AIG1: variants seen among roughly 807,000 people sequenced by gnomAD.
The protein encoded by AIG1 is androgen-induced gene 1 protein.
In AIG1, 23 loss-of-function variants were observed where a neutral mutation model predicts 31.4. The observed-to-expected ratio is 0.73, with a 90% CI of 0.53 to 1.04. The LOEUF is 1.04. AIG1 is among the 50% of genes least tolerant of loss of function. The probability of loss-of-function intolerance (pLI) is 0.00; values close to 1 mark genes in which losing one functional copy is unlikely to be tolerated. For missense variants in AIG1, 274 were observed against 295.0 expected (o/e 0.93, Z 0.52); for synonymous variants, 100 against 110.5 (o/e 0.90, Z 0.60).
At chr6:143,212,651 A>C (rs1433818065) in intron 3 of AIG1, among the ~76,000 whole-genome samples, 2 of 152,154 alleles carry the variant, frequency 1.3e-5, no homozygotes, top group African/African-American at 2.4e-5. Flanking sequence ...ATAAAATGAA[A>C]ACTCGGTGCC....
chr6:143,102,969 A>G (rs960120790), intron 1 of AIG1, among the ~76,000 whole-genome samples: 2 of 152,218 alleles, frequency 1.3e-5, no homozygotes, highest in Non-Finnish European at 2.9e-5. Context: ...TAGTGTACAT[A>G]TATATCTTAG....
At chr6:143,128,333 A>G (rs956253820) in intron 1 of AIG1, among the ~76,000 whole-genome samples, 2 of 152,198 alleles carry the variant, frequency 1.3e-5, no homozygotes, top group Admixed American at 1.3e-4. Flanking sequence ...AAAAAGATGG[A>G]GAAGGAATTA....
At chr6:143,173,730 T>C (rs1001713706) in intron 3 of AIG1, among the ~76,000 whole-genome samples, 4 of 152,230 alleles carry the variant, frequency 2.6e-5, no homozygotes, top group African/African-American at 9.6e-5. Context: ...CCAATTTTAT[T>C]CCACTGTGGC....
chr6:143,093,295 A>G, intron 1 of AIG1, among the ~76,000 whole-genome samples: 1 of 152,244 alleles, frequency 6.6e-6, no homozygotes, highest in Non-Finnish European at 1.5e-5. Context: ...AGTTTATGTT[A>G]TGAAGACAGC....
chr6:143,109,789 G>A (rs1311110747), intron 1 of AIG1, among the ~76,000 whole-genome samples: 3 of 152,048 alleles, frequency 2.0e-5, no homozygotes, highest in Non-Finnish European at 4.4e-5. Context: ...TTCATTTTCA[G>A]TTATATACAT....
rs1354621458 is a variant in AIG1 at position 143,268,132 on chromosome 6, G to C, written c.400-15978G>C. On this transcript the variant is annotated intron_variant, in intron 3 of 5. Transcript: ENST00000357847. This position sits in a 1 kb window ranked among gnomAD's most constrained non-coding sequence, Gnocchi z 5.0. The stretch of plus-strand genomic sequence containing the variant: ...GGAGGATTATGACTTGATATATAAA[G>C]TTTGGGAAATAAAGCCATTTAAAAT... 1.3e-5 allele frequency among the ~76,000 whole-genome samples: 2 copies of C among 152,092 alleles called. No individual in the cohort carries two copies. The highest frequency in any genetic ancestry group is 2.9e-5 in the Non-Finnish European group (2 of 68,028).
chr6:143,191,623 G>A (rs114958588), intron 3 of AIG1, among the ~76,000 whole-genome samples: 154 of 152,104 alleles, frequency 1.0e-3, no homozygotes, highest in African/African-American at 3.5e-3. Context: ...TTGAAATATA[G>A]AGGATTTTCA....
chr6:143,177,691 G>T (rs753679318), intron 3 of AIG1, among the ~76,000 whole-genome samples: 1 of 152,194 alleles, frequency 6.6e-6, no homozygotes, highest in Non-Finnish European at 1.5e-5. Flanking sequence ...GCAGTAGGGA[G>T]CATGGGTGTA....
intron 3 of AIG1, chr6:143,189,703 G>A (rs1265328440): frequency 2.0e-6 from 2 of 985,164 alleles, no homozygotes; most frequent in African/African-American, 1.7e-5. Context: ...GTTTTTAACT[G>A]AAGAACACAA....
At position 143,129,148 on chromosome 6, in the gene AIG1, G is replaced by A. The variant is rs1002360190; in HGVS notation, c.142-7687G>A. Among the ~76,000 whole-genome samples the A allele has an allele frequency of 5.3e-5, 8 of 152,104 alleles. No individual in the cohort carries two copies. In the South Asian group the frequency reaches 6.2e-4, roughly 12 times the overall value. ...CTACTAAAAATACAAAAAATTAGGC[G>A]GGTGTGGGGGCAGGCACCTGTAGTC... On this transcript the variant is annotated intron_variant, in intron 1 of 5. Coordinates refer to ENST00000357847, the MANE Select transcript of AIG1 (RefSeq NM_016108.4).
intron 1 of AIG1, among the ~76,000 whole-genome samples, chr6:143,117,994 G>T (rs1483806414): frequency 6.6e-6 from 1 of 152,150 alleles, no homozygotes; most frequent in Non-Finnish European, 1.5e-5. Flanking sequence ...CTGGAGTTGG[G>T]CATAGGCAGT....
intron 4 of AIG1, among the ~76,000 whole-genome samples, chr6:143,314,184 TAAAAAAAAAAAAAAAA>T (rs35691634): frequency 4.4e-5 from 4 of 90,614 alleles, no homozygotes; most frequent in Non-Finnish European, 8.1e-5. Flanking sequence ...ACCCATCTCT[TAAAAAAAAAAAAAAAA>T]AAAAAAAAAA....
At chr6:143,271,137 T>A (rs757369149) in intron 3 of AIG1, among the ~76,000 whole-genome samples, 18 of 152,200 alleles carry the variant, frequency 1.2e-4, no homozygotes, top group Non-Finnish European at 2.5e-4. Flanking sequence ...TGTTTGCAGA[T>A]GTCAGTGCAG....
intron 1 of AIG1, among the ~76,000 whole-genome samples, chr6:143,103,025 C>T (rs1780445256): frequency 6.6e-6 from 1 of 152,116 alleles, no homozygotes; most frequent in African/African-American, 2.4e-5. Flanking sequence ...TCTGTTCTTC[C>T]AGAAAGTACC....
chr6:143,063,187 A>G (rs2128455900), intron 1 of AIG1, among the ~76,000 whole-genome samples: 1 of 152,352 alleles, frequency 6.6e-6, no homozygotes, highest in South Asian at 2.1e-4. Context: ...ATGCTGTCAT[A>G]TAATTTATCT....
chr6:143,136,379 G>T (rs903537348), intron 1 of AIG1, among the ~76,000 whole-genome samples: 1 of 152,128 alleles, frequency 6.6e-6, no homozygotes, highest in African/African-American at 2.4e-5. Flanking sequence ...AGACTGAATT[G>T]TCTTGTTATT....
At chr6:143,199,664 A>C (rs12210837) in intron 3 of AIG1, among the ~76,000 whole-genome samples, 22,585 of 152,162 alleles carry the variant, frequency 0.15, 1,791 homozygotes, top group Non-Finnish European at 0.17. Flanking sequence ...TAATTCATTA[A>C]CAATTTGCTT....
chr6:143,226,671 A>G (rs1792987034), intron 3 of AIG1, among the ~76,000 whole-genome samples: 1 of 152,222 alleles, frequency 6.6e-6, no homozygotes, highest in South Asian at 2.1e-4. Context: ...AAGTGAAAAT[A>G]TAGACAGTTA....
At chr6:143,171,455 AAT>A (rs1389187063) in intron 3 of AIG1, among the ~76,000 whole-genome samples, 3 of 56,080 alleles carry the variant, frequency 5.3e-5, no homozygotes, top group Non-Finnish European at 7.9e-5. Context: ...ATATATATTT[AAT>A]ATATATATTT....
Sources: gnomAD v4.1 joint callset for allele counts (sites outside exome capture counted in the v4.1 genomes callset) on GRCh38, gnomAD v4.1.1 for gene constraint, Gnocchi (gnomAD v3.1) non-coding constraint, MANE v1.5 for transcripts, NCBI Gene and HGNC (gene_info 2026-07-23, HGNC 2026-07-21) for gene names.